CLNK: variants seen among roughly 807,000 people sequenced by gnomAD.
CLNK encodes the protein cytokine-dependent hematopoietic cell linker.
Under a neutral mutation model 68.6 loss-of-function variants are expected in CLNK, and 74 were observed. The observed-to-expected ratio is 1.08, with a 90% CI of 0.89 to 1.31. CLNK has a LOEUF of 1.31. CLNK is among the 50% of genes most tolerant of loss of function. The pLI is 0.00. For missense variants in CLNK, 553 were observed against 515.3 expected (o/e 1.07, Z -0.71); for synonymous variants, 198 against 172.2 (o/e 1.15, Z -1.17).
At chr4:10,610,323 C>T (rs1392466982) in intron 2 of CLNK, among the ~76,000 whole-genome samples, 2 of 150,062 alleles carry the variant, frequency 1.3e-5, no homozygotes, top group South Asian at 4.2e-4. Context: ...GGATTACAGG[C>T]GTGAGCCACC....
chr4:10,555,603 GAATATGATTGCAAGAA>G (rs1719638203), intron 8 of CLNK, among the ~76,000 whole-genome samples: 1 of 152,142 alleles, frequency 6.6e-6, no homozygotes, highest in Non-Finnish European at 1.5e-5. Context: ...ATAAATGTAA[GAATATGATTGCAAGAA>G]AAATGACATA....
the CLNK span, among the ~76,000 whole-genome samples, chr4:10,723,558 A>G: frequency 1.3e-5 from 2 of 152,130 alleles, no homozygotes; most frequent in African/African-American, 4.8e-5. Context: ...ACTGCCTGGA[A>G]TGTAGGTAGC....
chr4:10,591,957 G>A (rs1267694628), intron 3 of CLNK, among the ~76,000 whole-genome samples: 1 of 152,178 alleles, frequency 6.6e-6, no homozygotes, highest in Non-Finnish European at 1.5e-5. Context: ...GAAAAACACT[G>A]GAAGTGTTTA....
At chr4:10,638,954 A>G (rs1723206089) in intron 2 of CLNK, among the ~76,000 whole-genome samples, 1 of 152,210 alleles carries the variant, frequency 6.6e-6, no homozygotes. Flanking sequence ...TAATGGTCTC[A>G]TTTGAAATTA....
intron 1 of CLNK, among the ~76,000 whole-genome samples, chr4:10,681,615 C>A (rs1725093184): frequency 6.6e-6 from 1 of 152,156 alleles, no homozygotes; most frequent in South Asian, 2.1e-4. Flanking sequence ...ATTAGTATCA[C>A]CAATGAAATT....
In CLNK at chr4:10,620,967, C is replaced by T. The variant is rs546049964; in HGVS notation, c.12-22918G>A. 6.5e-3 allele frequency among the ~76,000 whole-genome samples: 978 copies of T among 150,402 alleles called. 6 individuals carry two copies. The highest frequency in any genetic ancestry group is 0.013 in the African/African-American group (537 of 41,254). On this transcript the variant is annotated intron_variant, in intron 2 of 18. Transcript: ENST00000226951. Reference sequence around the variant, plus strand: ...AATACAAAAAAAAAAAAAATTAGCCCGGCGTAGTGGTGGGCACCTGTAGTC... The same window carrying T: ...AATACAAAAAAAAAAAAAATTAGCCTGGCGTAGTGGTGGGCACCTGTAGTC...
the CLNK span, among the ~76,000 whole-genome samples, chr4:10,703,215 C>T: frequency 2.0e-5 from 3 of 152,076 alleles, no homozygotes; most frequent in African/African-American, 7.2e-5. Flanking sequence ...CCTGGAGTCA[C>T]AGGCTAACTA....
the CLNK span, among the ~76,000 whole-genome samples, chr4:10,715,919 G>T: frequency 1.3e-5 from 2 of 152,176 alleles, no homozygotes; most frequent in African/African-American, 2.4e-5. Flanking sequence ...TTGGCAGAGA[G>T]AAAACAAACT....
chr4:10,592,205 C>T (rs1441139575), intron 3 of CLNK, among the ~76,000 whole-genome samples: 1 of 152,092 alleles, frequency 6.6e-6, no homozygotes, highest in African/African-American at 2.4e-5. Context: ...TTCCTTTCCT[C>T]AATTAGACTT....
At chr4:10,491,491 A>G (rs9790491) in intron 18 of CLNK, among the ~76,000 whole-genome samples, 34,189 of 152,226 alleles carry the variant, frequency 0.22, 4,292 homozygotes, top group Middle Eastern at 0.29. Flanking sequence ...TAGCTAATTT[A>G]GCTGCCCTCC....
intron 4 of CLNK, among the ~76,000 whole-genome samples, chr4:10,582,425 C>G (rs1339108471): frequency 6.6e-6 from 1 of 152,154 alleles, no homozygotes; most frequent in African/African-American, 2.4e-5. Context: ...AATTTCTTGT[C>G]TTTTAAATCA....
At chr4:10,667,111 C>T (rs1421529925) in intron 2 of CLNK, among the ~76,000 whole-genome samples, 2 of 152,112 alleles carry the variant, frequency 1.3e-5, no homozygotes, top group Non-Finnish European at 2.9e-5. Context: ...TCATCATTCT[C>T]CAGTATCATA....
chr4:10,625,213 C>G (rs547979350), intron 2 of CLNK, among the ~76,000 whole-genome samples: 1 of 152,250 alleles, frequency 6.6e-6, no homozygotes, highest in South Asian at 2.1e-4. Context: ...GGATGGCTGG[C>G]AAGATTTGAG....
At chr4:10,505,267 T>G (rs1181088268) in intron 17 of CLNK, among the ~76,000 whole-genome samples, 1 of 152,176 alleles carries the variant, frequency 6.6e-6, no homozygotes, top group Non-Finnish European at 1.5e-5. Context: ...CCACCCGGGC[T>G]GTGAAAAGAA....
rs148831203 is a variant in CLNK at position 10,520,919 on chromosome 4, G to C, written c.732-88C>G. 1.5e-3 allele frequency: 1,382 copies of C among 912,520 alleles called. 11 individuals carry two copies. In the African/African-American group the frequency reaches 0.02, roughly 13 times the overall value. 56.5% of individuals were successfully genotyped at this position (912,520 alleles called of 1,614,324 possible). On this transcript the variant is annotated intron_variant, in intron 14 of 18. Coordinates refer to ENST00000226951, the MANE Select transcript of CLNK (RefSeq NM_052964.4). ...CTCAGAGGCAAGGTCAATGATAATA[G>C]CCTGAAGTCACAGTTATAAAGCACT... is the stretch of plus-strand genomic sequence containing the variant.
At chr4:10,650,638 C>G (rs6822578) in intron 2 of CLNK, among the ~76,000 whole-genome samples, 49,465 of 151,984 alleles carry the variant, frequency 0.33, 8,291 homozygotes, top group African/African-American at 0.4. Context: ...CTAATAAATT[C>G]TAATGAAGTT....
Position 10,576,808 on chromosome 4 carries a change from G to A in CLNK, c.113-5030C>T, listed in dbSNP as rs557996451. The stretch of plus-strand genomic sequence containing the variant: ...TTATTCACCTTGAAGTTTTAGAACC[G>A]CTAAGTTAGAAGCTCCAATTCCCTT... On this transcript the variant is annotated intron_variant, in intron 4 of 18. Transcript: ENST00000226951. 5.9e-5 allele frequency among the ~76,000 whole-genome samples: 9 copies of A among 152,316 alleles called. No individual in the cohort carries two copies. The South Asian group carries it at 1.2e-3, about 21-fold the overall frequency.
intron 2 of CLNK, among the ~76,000 whole-genome samples, chr4:10,621,460 T>C (rs1722455873): frequency 6.6e-6 from 1 of 152,132 alleles, no homozygotes; most frequent in East Asian, 1.9e-4. Flanking sequence ...CATTTTGGGG[T>C]CCAGTGGGTG....
At chr4:10,614,399 T>C (rs1199352816) in intron 2 of CLNK, among the ~76,000 whole-genome samples, 2 of 152,196 alleles carry the variant, frequency 1.3e-5, no homozygotes, top group East Asian at 3.8e-4. Flanking sequence ...CAGATATCTA[T>C]GATGCCGTTG....
Sources: allele counts gnomAD v4.1 joint callset (sites outside exome capture counted in the v4.1 genomes callset), GRCh38; gene constraint gnomAD v4.1.1; transcripts MANE v1.5; gene names NCBI Gene and HGNC (gene_info 2026-07-23, HGNC 2026-07-21).